The following COG5 variants were observed in gnomAD, a reference collection of about 807,000 sequenced individuals.
COG5 encodes conserved oligomeric Golgi complex subunit 5.
Under a neutral mutation model 110.4 loss-of-function variants are expected in COG5, and 86 were observed. The ratio of observed to expected loss-of-function variants is 0.78; its 90% CI spans 0.65 to 0.93. The LOEUF (loss-of-function observed/expected upper bound fraction) is 0.93. COG5 is among the 40% of genes least tolerant of loss of function. COG5 has a pLI of 0.00. For synonymous variants in COG5, 360 were observed against 334.6 expected (o/e 1.08, Z -0.83); for missense variants, 1,077 against 987.0 (o/e 1.09, Z -1.22).
chr7:107,228,220 G>T (rs1689661205), intron 19 of COG5, among the ~76,000 whole-genome samples: 1 of 151,374 alleles, frequency 6.6e-6, no homozygotes, highest in African/African-American at 2.4e-5. Flanking sequence ...AGGATCACTT[G>T]GGCATGCAAG....
At chr7:107,254,900 G>T (rs995537757) in intron 16 of COG5, among the ~76,000 whole-genome samples, 1 of 152,100 alleles carries the variant, frequency 6.6e-6, no homozygotes, top group East Asian at 1.9e-4. Flanking sequence ...ATTTCAGTGG[G>T]TCAGTATCGT....
chr7:107,388,573 C>T (rs1401263996), intron 7 of COG5, among the ~76,000 whole-genome samples: 1 of 152,160 alleles, frequency 6.6e-6, no homozygotes, highest in Non-Finnish European at 1.5e-5. Context: ...GACCCTGCAA[C>T]ACTATTGGCA....
Position 107,542,421 on chromosome 7 carries a change from A to C in COG5, c.417+5690T>G, listed in dbSNP as rs116173369. ...AACTAAAAGGAACTCTCATATACTG[A>C]TAGCATATGTGGTATAACCATTTGG... On this transcript the variant is annotated intron_variant, in intron 5 of 21. Coordinates refer to ENST00000297135, the MANE Select transcript of COG5 (RefSeq NM_006348.5). 4.6e-3 allele frequency among the ~76,000 whole-genome samples: 694 copies of C among 152,328 alleles called. 6 individuals are homozygous for C. Among genetic ancestry groups the C allele is most frequent in the African/African-American group, 0.016 (671 of 41,578 alleles).
At chr7:107,318,806 A>G (rs905725124) in intron 11 of COG5, among the ~76,000 whole-genome samples, 1 of 152,226 alleles carries the variant, frequency 6.6e-6, no homozygotes, top group African/African-American at 2.4e-5. Context: ...TAAACGCCCT[A>G]TCTCCAAATA....
At chr7:107,371,425 A>AT (rs1471628032) in intron 8 of COG5, among the ~76,000 whole-genome samples, 1 of 152,062 alleles carries the variant, frequency 6.6e-6, no homozygotes, top group African/African-American at 2.4e-5. Flanking sequence ...CTCCATCTAT[A>AT]TTTTTTTAAA....
At chr7:107,241,753 G>A (rs1169034068) in intron 17 of COG5, among the ~76,000 whole-genome samples, 1 of 151,914 alleles carries the variant, frequency 6.6e-6, no homozygotes, top group South Asian at 2.1e-4. Flanking sequence ...CGCCCAGCCT[G>A]TGCTTCATAT....
At chr7:107,384,007 T>A (rs1281773443) in intron 7 of COG5, among the ~76,000 whole-genome samples, 1 of 152,210 alleles carries the variant, frequency 6.6e-6, no homozygotes, top group Admixed American at 6.5e-5. Context: ...TCCCTCTCCC[T>A]GTGCAAACTG....
chr7:107,525,684 T>G (rs1465627111), intron 6 of COG5, among the ~76,000 whole-genome samples: 1 of 152,124 alleles, frequency 6.6e-6, no homozygotes, highest in East Asian at 1.9e-4. Context: ...TCCCAAGTAG[T>G]TGAGACTGCA....
chr7:107,209,591 G>C (rs1056672320), intron 21 of COG5: 2 of 159,424 alleles, frequency 1.3e-5, no homozygotes, highest in African/African-American at 2.4e-5. Context: ...GGAAATGATA[G>C]CATTTAAGGA....
intron 12 of COG5, among the ~76,000 whole-genome samples, chr7:107,291,610 T>C (rs1806181335): frequency 6.6e-6 from 1 of 152,194 alleles, no homozygotes; most frequent in Admixed American, 6.5e-5. Flanking sequence ...TCTTCCTCAT[T>C]TTTTTTCTGA....
At chr7:107,417,886 ACT>A (rs1393205406) in intron 6 of COG5, among the ~76,000 whole-genome samples, 3 of 152,168 alleles carry the variant, frequency 2.0e-5, no homozygotes, top group East Asian at 1.9e-4. Flanking sequence ...AATAATATTC[ACT>A]GTTTGCCTAT....
In COG5 at chr7:107,363,772, A is replaced by G. The variant is rs140368521; in HGVS notation, c.836-1352T>C. Among the ~76,000 whole-genome samples the G allele has an allele frequency of 5.3e-5, 8 of 152,200 alleles. No individual in the cohort carries two copies. In the East Asian group the frequency reaches 1.5e-3, roughly 29 times the overall value. ...AGGATTCGAGACCAGCTTGACCAAC[A>G]TGGAGAAACCCCATCTCTGCTAAAA... On this transcript the variant is annotated intron_variant, in intron 8 of 21. Coordinates refer to ENST00000297135, the MANE Select transcript of COG5 (RefSeq NM_006348.5).
chr7:107,538,337 T>G (rs2129166284), intron 5 of COG5, among the ~76,000 whole-genome samples: 1 of 152,330 alleles, frequency 6.6e-6, no homozygotes, highest in African/African-American at 2.4e-5. Flanking sequence ...GACCAATCTT[T>G]CATGCCCTAT....
chr7:107,401,828 GA>G (rs1241669139), intron 7 of COG5, among the ~76,000 whole-genome samples: 3 of 152,178 alleles, frequency 2.0e-5, no homozygotes, highest in Non-Finnish European at 4.4e-5. Context: ...GGTCATAAGG[GA>G]AGGAAAACAT....
chr7:107,505,941 C>A (rs1798962988), intron 6 of COG5, among the ~76,000 whole-genome samples: 1 of 152,220 alleles, frequency 6.6e-6, no homozygotes, highest in Non-Finnish European at 1.5e-5. Flanking sequence ...GTCCTCAAGT[C>A]TCCCAGCAGT....
At chr7:107,520,849 C>CA (rs1256294614) in intron 6 of COG5, among the ~76,000 whole-genome samples, 2 of 152,116 alleles carry the variant, frequency 1.3e-5, no homozygotes, top group African/African-American at 2.4e-5. Context: ...CAATCCTAAG[C>CA]AAAAGGAACA....
At chr7:107,289,719 TAA>T (rs1038192110) in intron 12 of COG5, among the ~76,000 whole-genome samples, 19 of 152,226 alleles carry the variant, frequency 1.2e-4, no homozygotes, top group Admixed American at 7.9e-4. Context: ...CTCCTTTTGT[TAA>T]AGTTATTCCT....
chr7:107,300,560 A>G (rs1807170703), intron 11 of COG5, among the ~76,000 whole-genome samples: 1 of 152,214 alleles, frequency 6.6e-6, no homozygotes, highest in Non-Finnish European at 1.5e-5. Context: ...TGAAATTTTA[A>G]AAGAATACAA....
chr7:107,386,721 A>C (rs571737729), intron 7 of COG5, among the ~76,000 whole-genome samples: 1 of 152,318 alleles, frequency 6.6e-6, no homozygotes, highest in African/African-American at 2.4e-5. Flanking sequence ...CCCAAAGCCC[A>C]AGGTTCCTGG....
Sources: allele counts gnomAD v4.1 joint callset (sites outside exome capture counted in the v4.1 genomes callset), GRCh38; gene constraint gnomAD v4.1.1; transcripts MANE v1.5; gene names NCBI Gene and HGNC (gene_info 2026-07-23, HGNC 2026-07-21).